P4HTM: variants seen among roughly 807,000 people sequenced by gnomAD.
P4HTM encodes the protein transmembrane prolyl 4-hydroxylase.
A neutral mutation model predicts 55.3 loss-of-function variants in P4HTM; 33 were observed. That is an observed-to-expected ratio of 0.60 (90% CI 0.45 to 0.80). P4HTM has a LOEUF of 0.80. Ranked by LOEUF, P4HTM falls within the 30% of genes least tolerant of loss-of-function variation. The probability of loss-of-function intolerance (pLI) is 0.00; values close to 1 mark genes in which losing one functional copy is unlikely to be tolerated. For missense variants in P4HTM, 542 were observed against 696.5 expected (o/e 0.78, Z 2.50); for synonymous variants, 272 against 286.4 (o/e 0.95, Z 0.51).
chr3:49,005,714 A>T (rs2092976409), intron 6 of P4HTM, 63 bp from the exon 7 acceptor site: 2 of 1,521,914 alleles, frequency 1.3e-6, no homozygotes, highest in Non-Finnish European at 1.8e-6. Context: ...TATCCTGCCC[A>T]CAGGTAAGCC....
chr3:49,003,991 G>A, intron 4 of P4HTM, 107 bp from the exon 5 acceptor site: 1 of 1,116,688 alleles, frequency 9.0e-7, no homozygotes, highest in Admixed American at 2.5e-5. Context: ...CTCAGTGCCT[G>A]AGGTCAGGGG....
At chr3:49,005,095 A>G (rs753290082) in intron 6 of P4HTM, 49 bp downstream of exon 6, 1 of 1,613,456 alleles carries the variant, frequency 6.2e-7, no homozygotes, top group South Asian at 1.1e-5. Context: ...GACCAGGAAC[A>G]CCCATGACAC....
Position 48,990,686 on chromosome 3 carries a change from C to A in P4HTM, c.354+76C>A. ...GAGAGGACCGGCGCTCAGCCCGGGTCCCCACGCTGCCCCCGGCGCTGCTCT... is the reference window on the plus strand; with the variant it reads ...GAGAGGACCGGCGCTCAGCCCGGGTACCCACGCTGCCCCCGGCGCTGCTCT... On this transcript the variant is annotated intron_variant, in intron 1 of 8. Transcript: ENST00000383729. The surrounding 1 kb of genome is among the most constrained non-coding windows in gnomAD (Gnocchi z 7.2). 6.9e-7 allele frequency: 1 copy of A among 1,457,948 alleles called. No individual in the cohort carries two copies. Among genetic ancestry groups the A allele is most frequent in the South Asian group, 1.4e-5 (1 of 73,394 alleles). 90.3% of individuals were successfully genotyped at this position (1,457,948 alleles called of 1,614,324 possible). A position where few individuals can be genotyped will look rare whatever the true frequency, so the allele number is the denominator to read the frequency against.
intron 8 of P4HTM, 137 bp from the exon 9 acceptor site, chr3:49,006,550 T>C (rs1576609791): frequency 4.2e-6 from 3 of 709,356 alleles, no homozygotes; most frequent in Non-Finnish European, 7.3e-6. Context: ...ATGAGGAGCC[T>C]CCAAGGAAGC....
chr3:49,005,900 C>A, intron 7 of P4HTM, 33 bp downstream of exon 7: 1 of 1,530,606 alleles, frequency 6.5e-7, no homozygotes, highest in Non-Finnish European at 8.8e-7. Flanking sequence ...CTCTTGTGGG[C>A]TGGCAGGGGC....
At position 49,002,602 on chromosome 3, in the gene P4HTM, C is replaced by T; in HGVS notation, c.724+6C>T. On this transcript the variant is annotated splice_donor_region_variant and intron_variant, in intron 4 of 8. Coordinates refer to ENST00000383729, the MANE Select transcript of P4HTM (RefSeq NM_177939.3). The surrounding 1 kb of genome is among the most constrained non-coding windows in gnomAD (Gnocchi z 4.4). ...GGCTGACCCTGATGGTGACGGTGAG[C>T]TCACACCTCTGCACAGTCCTATCCC... 1 of 1,602,496 alleles carries T rather than the reference C, an allele frequency of 6.2e-7. No homozygotes were observed. The highest frequency in any genetic ancestry group is 8.6e-7 in the Non-Finnish European group (1 of 1,169,466).
intron 2 of P4HTM, chr3:48,997,831 A>C (rs1020221943): frequency 6.6e-6 from 1 of 152,280 alleles, no homozygotes; most frequent in African/African-American, 2.4e-5. Flanking sequence ...CAATGGAGGC[A>C]CTTGGAAGGG....
chr3:49,004,747 C>A, intron 5 of P4HTM, 114 bp from the exon 6 acceptor site: 1 of 1,069,958 alleles, frequency 9.3e-7, no homozygotes, highest in Non-Finnish European at 1.4e-6. Flanking sequence ...AAGGGACTTC[C>A]AGGGGAGGTG....
At position 48,999,489 on chromosome 3, in the gene P4HTM, C is replaced by G. The variant is rs1235560120; in HGVS notation, c.437-1949C>G. ...CCCTGACCCTGCTGTCATCCCACAG[C>G]ATCACCAGTGTCACCAGCAGCCACA... On this transcript the variant is annotated intron_variant, in intron 2 of 8. Transcript: ENST00000383729. The surrounding 1 kb of genome is among the most constrained non-coding windows in gnomAD (Gnocchi z 4.8). 1 of 167,726 alleles carries G rather than the reference C, an allele frequency of 6.0e-6. No individual in the cohort carries two copies. The highest frequency in any genetic ancestry group is 6.5e-5 in the Admixed American group (1 of 15,294). 10.4% of individuals were successfully genotyped at this position (167,726 alleles called of 1,614,324 possible). A position where few individuals can be genotyped will look rare whatever the true frequency, so the allele number is the denominator to read the frequency against.
intron 4 of P4HTM, chr3:49,003,017 G>T: frequency 2.9e-6 from 1 of 344,624 alleles, no homozygotes. Context: ...CAGCTTCCCT[G>T]GTCTAAGTGA....
At chr3:48,991,065 C>T (rs1022328678) in intron 2 of P4HTM, 151 bp downstream of exon 2, 2 of 625,152 alleles carry the variant, frequency 3.2e-6, no homozygotes, top group Admixed American at 2.7e-5. Flanking sequence ...CCTTCCCCGT[C>T]CTCGAAATAG....
chr3:49,000,157 T>A (rs928247224), intron 2 of P4HTM, among the ~76,000 whole-genome samples: 3 of 152,120 alleles, frequency 2.0e-5, no homozygotes, highest in African/African-American at 7.2e-5. Flanking sequence ...CCTCCTAGGG[T>A]AAGTATAAGG....
At position 49,002,597 on chromosome 3, in the gene P4HTM, G is replaced by T; in HGVS notation, c.724+1G>T. 1 of 1,606,874 alleles carries T rather than the reference G, an allele frequency of 6.2e-7. No individual in the cohort carries two copies. On this transcript the variant is annotated splice_donor_variant, in intron 4 of 8. Coordinates refer to ENST00000383729, the MANE Select transcript of P4HTM (RefSeq NM_177939.3). LOFTEE classifies it high-confidence loss of function. The surrounding 1 kb of genome is among the most constrained non-coding windows in gnomAD (Gnocchi z 4.4). The stretch of plus-strand genomic sequence containing the variant: ...ATCAAGGCTGACCCTGATGGTGACG[G>T]TGAGCTCACACCTCTGCACAGTCCT...
chr3:48,991,043 C>T lies in P4HTM; in HGVS notation c.436+129C>T, dbSNP rs897267048. The T allele has an allele frequency of 8.8e-6, 6 of 679,098 alleles. No individual in the cohort carries two copies. The African/African-American group carries it at 9.0e-5, about 10-fold the overall frequency. 42.1% of individuals were successfully genotyped at this position (679,098 alleles called of 1,614,324 possible). ...CAGAGCAGCCCTTCCAGAGGATTAC[C>T]AAAGTGAAGGACCTTCCCCGTCCTC... On this transcript the variant is annotated intron_variant, in intron 2 of 8. Transcript: ENST00000383729.
Position 49,002,492 on chromosome 3 carries a change from T to A in P4HTM, c.628-8T>A. The A allele has an allele frequency of 6.2e-7, 1 of 1,609,776 alleles. No individual in the cohort carries two copies. The highest frequency in any genetic ancestry group is 8.5e-7 in the Non-Finnish European group (1 of 1,176,068). ...GGTCACCCACTGAGGGACCCTCTTATGCTTTAGGTTCTGGCCCAGACTCGC... is the reference window on the plus strand; with the variant it reads ...GGTCACCCACTGAGGGACCCTCTTAAGCTTTAGGTTCTGGCCCAGACTCGC... On this transcript the variant is annotated splice_polypyrimidine_tract_variant and splice_region_variant and intron_variant, in intron 3 of 8. Coordinates refer to ENST00000383729, the MANE Select transcript of P4HTM (RefSeq NM_177939.3). This position sits in a 1 kb window ranked among gnomAD's most constrained non-coding sequence, Gnocchi z 4.4.
In P4HTM at chr3:49,004,159, G is replaced by T; in HGVS notation, c.786G>T (p.Arg262Ser). 1.9e-6 allele frequency: 3 copies of T among 1,551,632 alleles called. No individual in the cohort carries two copies. Among genetic ancestry groups the T allele is most frequent in the Non-Finnish European group, 2.6e-6 (3 of 1,147,782 alleles). Residue 262 changes from arginine (R) to serine (S), a missense_variant, in exon 5 of 9, where the codon AGG becomes AGT. Around this residue, in one of 2 missense-constraint regions of P4HTM, gnomAD observed 536 missense variants for 672.1 expected, o/e 0.80. Transcript: ENST00000383729. The part of the protein sequence containing the change: ...MDLRDFHKYM[R>S]SHKAESSELV... ...TTCGGGACTTCCACAAGTACATGAG[G>T]AGCCACAAGGCAGAGTCCAGTGAGC...
intron 4 of P4HTM, chr3:49,003,862 C>T (rs1368903983): frequency 2.1e-6 from 1 of 484,078 alleles, no homozygotes. Flanking sequence ...TTCTTAGGGC[C>T]AAATTAGGGC....
intron 8 of P4HTM, 152 bp downstream of exon 8, chr3:49,006,339 A>G (rs2092981222): frequency 3.8e-6 from 3 of 779,460 alleles, no homozygotes; most frequent in Non-Finnish European, 4.1e-6. Flanking sequence ...TAGTGACTTT[A>G]GCAGACTGCC....
chr3:49,003,419 G>A (rs1452781712), intron 4 of P4HTM: 1 of 157,430 alleles, frequency 6.4e-6, no homozygotes, highest in Non-Finnish European at 1.4e-5. Context: ...GGAAGGTGAT[G>A]TCCTTGGGTC....
Sources: allele counts gnomAD v4.1 joint callset (sites outside exome capture counted in the v4.1 genomes callset), GRCh38; gene constraint gnomAD v4.1.1; regional missense constraint gnomAD v4.1.1; non-coding constraint Gnocchi (gnomAD v3.1); transcripts MANE v1.5; gene names NCBI Gene and HGNC (gene_info 2026-07-23, HGNC 2026-07-21).